The following FAR2 variants were observed in gnomAD, a reference collection of about 807,000 sequenced individuals.
FAR2 encodes the protein epididymis secretory protein Li 81.
In FAR2, 19 loss-of-function variants were observed where a neutral mutation model predicts 56.0. The ratio of observed to expected loss-of-function variants is 0.34; its 90% CI spans 0.24 to 0.50. The LOEUF is 0.50. FAR2 is among the 20% of genes least tolerant of loss of function. The pLI, the probability that FAR2 is intolerant of heterozygous loss-of-function variation, is 0.98. For synonymous variants in FAR2, 219 were observed against 218.8 expected, an observed-to-expected ratio of 1.00 and a Z score of -0.01; for missense variants, 508 against 642.2, an observed-to-expected ratio of 0.79 and a Z score of 2.26.
chr12:29,238,541 G>A (rs964346268), intron 1 of FAR2, among the ~76,000 whole-genome samples: 6 of 151,708 alleles, frequency 4.0e-5, no homozygotes, highest in Non-Finnish European at 8.8e-5. Flanking sequence ...GCTCTTTGAG[G>A]GTACTTAATA....
chr12:29,213,689 C>A (rs1406431851), intron 1 of FAR2, among the ~76,000 whole-genome samples: 775 of 130,556 alleles, frequency 5.9e-3, no homozygotes, highest in Non-Finnish European at 7.0e-3. Context: ...GACTCTGTCT[C>A]AAAAAAAAAA....
chr12:29,216,874 C>T (rs1591859403), intron 1 of FAR2, among the ~76,000 whole-genome samples: 1 of 152,140 alleles, frequency 6.6e-6, no homozygotes, highest in East Asian at 1.9e-4. Context: ...AGCTACAAAG[C>T]ACTTTGGTGT....
At chr12:29,333,018 A>T in intron 11 of FAR2, 1 of 428,726 alleles carries the variant, frequency 2.3e-6, no homozygotes, top group Non-Finnish European at 4.4e-6. Flanking sequence ...CCAGATTTGA[A>T]CCCAAATTTG....
chr12:29,267,312 T>C (rs1948534204), intron 1 of FAR2, among the ~76,000 whole-genome samples: 1 of 152,164 alleles, frequency 6.6e-6, no homozygotes, highest in South Asian at 2.1e-4. Flanking sequence ...AATATTTGAG[T>C]CTATGCTATA....
chr12:29,177,745 A>G (rs1016366196), intron 1 of FAR2, among the ~76,000 whole-genome samples: 1 of 152,188 alleles, frequency 6.6e-6, no homozygotes. Flanking sequence ...TGGTATTTTT[A>G]TCCCCATTTC....
At chr12:29,150,240 C>T (rs992951921) in intron 1 of FAR2, among the ~76,000 whole-genome samples, 1 of 152,216 alleles carries the variant, frequency 6.6e-6, no homozygotes, top group Non-Finnish European at 1.5e-5. Context: ...ATCCTACAAA[C>T]CAGAGGAAGG....
intron 1 of FAR2, among the ~76,000 whole-genome samples, chr12:29,189,779 A>T (rs1423830433): frequency 6.6e-6 from 1 of 152,234 alleles, no homozygotes; most frequent in Non-Finnish European, 1.5e-5. Context: ...TTATAAAACA[A>T]CAGCAACAAA....
chr12:29,249,291 G>T (rs1431018319), intron 1 of FAR2, among the ~76,000 whole-genome samples: 1 of 152,170 alleles, frequency 6.6e-6, no homozygotes, highest in Non-Finnish European at 1.5e-5. Flanking sequence ...GCTTCAGCCG[G>T]TCCCTCCGTT....
chr12:29,297,215 T>C lies in FAR2; in HGVS notation c.545+15T>C, dbSNP rs1949086810. ...GATTCCCTTGAGTAAGTTGGTCTAA[T>C]AAAAGGATCAAGGGGCGGGTAGAAT... On this transcript the variant is annotated intron_variant, in intron 4 of 11. Coordinates refer to ENST00000536681, the MANE Select transcript of FAR2 (RefSeq NM_001271783.2). 1.9e-6 allele frequency: 3 copies of C among 1,606,408 alleles called. No homozygotes were observed. Among genetic ancestry groups the C allele is most frequent in the East Asian group, 4.5e-5 (2 of 44,820 alleles).
chr12:29,206,605 G>A (rs1189218648), intron 1 of FAR2, among the ~76,000 whole-genome samples: 1 of 152,162 alleles, frequency 6.6e-6, no homozygotes, highest in Non-Finnish European at 1.5e-5. Flanking sequence ...GGCACAGTGG[G>A]ACTCAATTCT....
chr12:29,205,840 CTT>C (rs5797309), intron 1 of FAR2, among the ~76,000 whole-genome samples: 61 of 149,420 alleles, frequency 4.1e-4, no homozygotes, highest in Admixed American at 1.1e-3. Flanking sequence ...CTTGTTTTTG[CTT>C]TTTTTTTTTA....
intron 1 of FAR2, among the ~76,000 whole-genome samples, chr12:29,168,828 A>C (rs1043974790): frequency 6.6e-6 from 1 of 152,204 alleles, no homozygotes; most frequent in African/African-American, 2.4e-5. Context: ...AAGGGGACCC[A>C]AGTGGGTTGC....
At chr12:29,248,850 C>T (rs968148610) in intron 1 of FAR2, among the ~76,000 whole-genome samples, 3 of 152,206 alleles carry the variant, frequency 2.0e-5, no homozygotes, top group Non-Finnish European at 2.9e-5. Context: ...AAGAATTCAG[C>T]AATATTTCTC....
At chr12:29,173,514 T>C (rs1949907556) in intron 1 of FAR2, among the ~76,000 whole-genome samples, 1 of 152,172 alleles carries the variant, frequency 6.6e-6, no homozygotes, top group Non-Finnish European at 1.5e-5. Context: ...ACAGAAAAGA[T>C]CAAGCTGCAG....
At chr12:29,150,206 T>C (rs1322547829) in intron 1 of FAR2, among the ~76,000 whole-genome samples, 1 of 152,188 alleles carries the variant, frequency 6.6e-6, no homozygotes, top group Non-Finnish European at 1.5e-5. Context: ...TCTCAGTCTA[T>C]TAAAACAATT....
Position 29,333,653 on chromosome 12 carries a change from C to G in FAR2, c.1407C>G (p.Leu469=). 6.2e-7 allele frequency: 1 copy of G among 1,613,732 alleles called. No homozygotes were observed. Among genetic ancestry groups the G allele is most frequent in the East Asian group, 2.2e-5 (1 of 44,866 alleles). Residue 469 remains leucine, a synonymous_variant, in exon 12 of 12, where the codon CTC becomes CTG. Coordinates refer to ENST00000536681, the MANE Select transcript of FAR2 (RefSeq NM_001271783.2). ...CTAGGCTCCGAAATATTCACTACCT[C>G]TTTAATACTGCCCTCTTCCTTATCG... ...RLKRLRNIHY[L]FNTALFLIAW... is the part of the protein sequence containing the mutation.
At chr12:29,262,197 C>T (rs1424600381) in intron 1 of FAR2, among the ~76,000 whole-genome samples, 1 of 149,614 alleles carries the variant, frequency 6.7e-6, no homozygotes, top group Non-Finnish European at 1.5e-5. Context: ...TATTAGTTTT[C>T]TTTTTGTGTG....
intron 1 of FAR2, among the ~76,000 whole-genome samples, chr12:29,223,055 A>G (rs1947713756): frequency 6.6e-6 from 1 of 152,174 alleles, no homozygotes; most frequent in South Asian, 2.1e-4. Flanking sequence ...ACTGTCCTGA[A>G]TCATTTGCAT....
At position 29,330,742 on chromosome 12, in the gene FAR2, G is replaced by A. The variant is rs562244541; in HGVS notation, c.1258-1858G>A. On this transcript the variant is annotated intron_variant, in intron 10 of 11. Coordinates refer to ENST00000536681, the MANE Select transcript of FAR2 (RefSeq NM_001271783.2). ...AAACCCAAGAGATTCTCAGAAAATC[G>A]TGTAGCCATTTTAAAGTTAACAAAC... is the stretch of plus-strand genomic sequence containing the variant. Among the ~76,000 whole-genome samples, 8 of 152,200 alleles carry A rather than the reference G, an allele frequency of 5.3e-5. No individual in the cohort carries two copies. The East Asian group carries it at 7.7e-4, about 15-fold the overall frequency.
Sources: gnomAD v4.1 joint callset for allele counts (sites outside exome capture counted in the v4.1 genomes callset) on GRCh38, gnomAD v4.1.1 for gene constraint, MANE v1.5 for transcripts, NCBI Gene and HGNC (gene_info 2026-07-23, HGNC 2026-07-21) for gene names.